MARCHF4: variants seen among roughly 807,000 people sequenced by gnomAD.
The protein encoded by MARCHF4 is membrane associated ring-CH-type finger 4, also known as E3 ubiquitin-protein ligase MARCHF4.
MARCHF4 carries 14 observed loss-of-function variants against 43.9 expected under a neutral mutation model. The observed-to-expected ratio is 0.32, with a 90% CI of 0.21 to 0.50. The LOEUF (loss-of-function observed/expected upper bound fraction) is 0.50, where lower values mean the gene tolerates loss of function less well. Among genes scored for constraint, MARCHF4 ranks in the 20% least tolerant of loss-of-function variants. The pLI, the probability that MARCHF4 is intolerant of heterozygous loss-of-function variation, is 0.98. For missense variants in MARCHF4, 468 were observed against 536.7 expected (o/e 0.87, Z 1.27); for synonymous variants, 226 against 213.3 (o/e 1.06, Z -0.52).
intron 1 of MARCHF4, among the ~76,000 whole-genome samples, chr2:216,365,187 C>T (rs540910552): frequency 6.6e-6 from 1 of 152,346 alleles, no homozygotes; most frequent in African/African-American, 2.4e-5. Context: ...TCTCCAGATT[C>T]CCCAAGCCCT....
chr2:216,295,885 C>T (rs1362425469), intron 1 of MARCHF4, among the ~76,000 whole-genome samples: 10 of 152,226 alleles, frequency 6.6e-5, no homozygotes, highest in East Asian at 1.9e-4. Context: ...CGGTGGCTCA[C>T]GCCTGTAATT....
chr2:216,272,988 G>A (rs1325763993), intron 3 of MARCHF4, among the ~76,000 whole-genome samples: 1 of 152,204 alleles, frequency 6.6e-6, no homozygotes, highest in Non-Finnish European at 1.5e-5. Context: ...CTGCTCTGGA[G>A]TCTTCTCATT....
rs1374784423 is a variant in MARCHF4, at chr2:216,370,671, T to C, written c.-411A>G. On this transcript the variant is annotated 5_prime_UTR_variant, in exon 1 of 4. Coordinates refer to ENST00000273067, the MANE Select transcript of MARCHF4 (RefSeq NM_020814.3). Reference sequence around the variant, plus strand: ...TTAAAAGTTCCCCAGGAAAGGATTATTGGGTTCTTCTCAAATTCCTACGCA... The same window carrying C: ...TTAAAAGTTCCCCAGGAAAGGATTACTGGGTTCTTCTCAAATTCCTACGCA... 6.1e-6 allele frequency: 1 copy of C among 163,016 alleles called. No individual in the cohort carries two copies. Among genetic ancestry groups the C allele is most frequent in the Admixed American group, 6.3e-5 (1 of 15,770 alleles). 10.1% of individuals were successfully genotyped at this position (163,016 alleles called of 1,614,324 possible).
At chr2:216,267,491 T>A (rs959175145) in intron 3 of MARCHF4, among the ~76,000 whole-genome samples, 1 of 152,164 alleles carries the variant, frequency 6.6e-6, no homozygotes, top group Non-Finnish European at 1.5e-5. Context: ...GGAAGGAGTT[T>A]GGGACTCCAA....
In MARCHF4 at chr2:216,320,607, T is replaced by TTTTTTCTTTCTTTC. The variant is rs1553518097; in HGVS notation, c.517-36879_517-36878insGAAAGAAAGAAAAA. The stretch of plus-strand genomic sequence containing the variant: ...ATAAGGTTGTAGAGCTATAGCCTCT[T>TTTTTTCTTTCTTTC]TTTCTTTCTTTCTTTCTTTCTTTCT... On this transcript the variant is annotated intron_variant, in intron 1 of 3. Transcript: ENST00000273067. 5.5e-4 allele frequency among the ~76,000 whole-genome samples: 62 copies of TTTTTTCTTTCTTTC among 112,176 alleles called. 2 individuals are homozygous for TTTTTTCTTTCTTTC. The highest frequency in any genetic ancestry group is 2.2e-3 in the East Asian group (8 of 3,634). 73.6% of individuals were successfully genotyped at this position (112,176 alleles called of 152,430 possible).
intron 1 of MARCHF4, among the ~76,000 whole-genome samples, chr2:216,360,278 A>T (rs1180989572): frequency 1.3e-5 from 2 of 152,154 alleles, no homozygotes; most frequent in Non-Finnish European, 2.9e-5. Context: ...CTTCAAACTT[A>T]ACATTTGCCT....
Position 216,277,873 on chromosome 2 carries a change from G to C in MARCHF4, c.673-9C>G. The C allele has an allele frequency of 1.2e-6, 2 of 1,600,068 alleles. No individual in the cohort carries two copies. Among genetic ancestry groups the C allele is most frequent in the South Asian group, 1.1e-5 (1 of 90,350 alleles). The stretch of plus-strand genomic sequence containing the variant: ...AGAGAGATGGCCTGCCACTGCAGGG[G>C]AGAGAGTGGCCAGTTAGCAGTTGCT... On this transcript the variant is annotated splice_polypyrimidine_tract_variant and intron_variant, in intron 2 of 3. Coordinates refer to ENST00000273067, the MANE Select transcript of MARCHF4 (RefSeq NM_020814.3).
chr2:216,367,603 G>A (rs1692686584), intron 1 of MARCHF4, among the ~76,000 whole-genome samples: 1 of 152,190 alleles, frequency 6.6e-6, no homozygotes, highest in Non-Finnish European at 1.5e-5. Context: ...TCATATGCAG[G>A]AAGTGCTTAA....
chr2:216,277,421 G>A (rs1381623369), intron 3 of MARCHF4, among the ~76,000 whole-genome samples: 1 of 152,150 alleles, frequency 6.6e-6, no homozygotes, highest in Non-Finnish European at 1.5e-5. Flanking sequence ...CTAGAGGCAG[G>A]CCTCATCTTT....
At chr2:216,309,466 C>T (rs1248371071) in intron 1 of MARCHF4, among the ~76,000 whole-genome samples, 1 of 152,206 alleles carries the variant, frequency 6.6e-6, no homozygotes, top group Non-Finnish European at 1.5e-5. Context: ...CCACGTGAAG[C>T]TAAATTGCAC....
At chr2:216,280,338 A>G (rs55881854) in intron 2 of MARCHF4, among the ~76,000 whole-genome samples, 5,580 of 152,130 alleles carry the variant, frequency 0.037, 167 homozygotes, top group South Asian at 0.11. Flanking sequence ...GACAAGCGGA[A>G]GAGCACAGAG....
At chr2:216,367,900 C>A (rs1478420336) in intron 1 of MARCHF4, among the ~76,000 whole-genome samples, 1 of 152,108 alleles carries the variant, frequency 6.6e-6, no homozygotes, top group East Asian at 1.9e-4. Context: ...TATTTTTACA[C>A]TTCTTTTCTC....
At chr2:216,285,469 T>C (rs1574463877) in intron 1 of MARCHF4, among the ~76,000 whole-genome samples, 1 of 152,306 alleles carries the variant, frequency 6.6e-6, no homozygotes, top group East Asian at 1.9e-4. Context: ...ATCTTATCCA[T>C]CTTTGCAGCC....
Position 216,309,767 on chromosome 2 carries a change from C to A in MARCHF4, c.517-26038G>T, listed in dbSNP as rs572920120. Among the ~76,000 whole-genome samples the A allele has an allele frequency of 1.6e-3, 237 of 152,300 alleles. 1 individual carries two copies. The highest frequency in any genetic ancestry group is 2.9e-3 in the Non-Finnish European group (198 of 68,030). On this transcript the variant is annotated intron_variant, in intron 1 of 3. Transcript: ENST00000273067. ...AAGGGATGAAAATAGAAAGAGAGGC[C>A]TCAGCTGTAACCACATGCAGCCATT...
chr2:216,324,813 C>T (rs199924970), intron 1 of MARCHF4, among the ~76,000 whole-genome samples: 27,490 of 79,528 alleles, frequency 0.35, 7,203 homozygotes, highest in East Asian at 0.55. Flanking sequence ...TGGGTCGTAT[C>T]TCAAAATAAT....
chr2:216,299,127 A>C (rs72942695), intron 1 of MARCHF4, among the ~76,000 whole-genome samples: 10,959 of 151,138 alleles, frequency 0.073, 536 homozygotes, highest in South Asian at 0.2. Flanking sequence ...TTTTTTCCCT[A>C]CCTTTCTTTG....
At chr2:216,264,067 G>T (rs1690804371) in intron 3 of MARCHF4, among the ~76,000 whole-genome samples, 1 of 152,082 alleles carries the variant, frequency 6.6e-6, no homozygotes, top group Non-Finnish European at 1.5e-5. Flanking sequence ...AAACCTCAGA[G>T]CCTCTTCAGT....
At chr2:216,342,519 G>T (rs1243321201) in intron 1 of MARCHF4, among the ~76,000 whole-genome samples, 1 of 152,182 alleles carries the variant, frequency 6.6e-6, no homozygotes, top group Non-Finnish European at 1.5e-5. Context: ...GACTGGCAAG[G>T]TTGCTAGGGG....
At chr2:216,354,911 C>CTTTCTTTG (rs1692463886) in intron 1 of MARCHF4, among the ~76,000 whole-genome samples, 5 of 82,808 alleles carry the variant, frequency 6.0e-5, no homozygotes, top group South Asian at 1.1e-3. Flanking sequence ...TTCTTTCTTT[C>CTTTCTTTG]TTTCTTTCTT....
Sources: gnomAD v4.1 joint callset for allele counts (sites outside exome capture counted in the v4.1 genomes callset) on GRCh38, gnomAD v4.1.1 for gene constraint, MANE v1.5 for transcripts, NCBI Gene and HGNC (gene_info 2026-07-23, HGNC 2026-07-21) for gene names.